NCALD: variants seen among roughly 807,000 people sequenced by gnomAD.
NCALD encodes neurocalcin-delta.
A neutral mutation model predicts 18.6 loss-of-function variants in NCALD; 10 were observed. That is an observed-to-expected ratio of 0.54 (90% CI 0.33 to 0.91). The LOEUF (loss-of-function observed/expected upper bound fraction) is 0.91. Among genes scored for constraint, NCALD ranks in the 40% least tolerant of loss-of-function variants. The pLI is 0.03. For missense variants in NCALD, 184 were observed against 247.6 expected (o/e 0.74, Z 1.72); for synonymous variants, 88 against 87.4 (o/e 1.01, Z -0.04).
At chr8:101,815,545 T>C (rs1813463338) in intron 4 of NCALD, among the ~76,000 whole-genome samples, 2 of 152,086 alleles carry the variant, frequency 1.3e-5, no homozygotes, top group African/African-American at 4.8e-5. Context: ...AGTAATCATA[T>C]GAAAAGATGC....
In NCALD at chr8:101,827,035, C is replaced by T. The variant is rs530924530; in HGVS notation, c.-20+60106G>A. On this transcript the variant is annotated intron_variant, in intron 4 of 6. Transcript: ENST00000311028. ...TGAAAACAACAAAAATTTATTATCT[C>T]ACAGTTCTGGAGGCTAAAAGACAAA... 2.0e-3 allele frequency among the ~76,000 whole-genome samples: 297 copies of T among 152,292 alleles called. 2 individuals carry two copies. Among genetic ancestry groups the T allele is most frequent in the Non-Finnish European group, 3.0e-3 (203 of 68,042 alleles).
chr8:102,089,190 G>C (rs1353477572), intron 1 of NCALD, among the ~76,000 whole-genome samples: 3 of 152,056 alleles, frequency 2.0e-5, no homozygotes, highest in Non-Finnish European at 4.4e-5. Context: ...GTCAGGAGAT[G>C]GAGACCATCC....
At chr8:101,706,892 T>G (rs944218650) in intron 2 of NCALD, among the ~76,000 whole-genome samples, 2 of 54,948 alleles carry the variant, frequency 3.6e-5, no homozygotes, top group Admixed American at 3.3e-4. Context: ...ATAAATCCCC[T>G]GATAAGAAAG....
In NCALD at chr8:101,773,115, G is replaced by A. The variant is rs919143727; in HGVS notation, c.-20+17747C>T. 5.5e-4 allele frequency among the ~76,000 whole-genome samples: 84 copies of A among 152,128 alleles called. 1 individual carries two copies. The highest frequency in any genetic ancestry group is 5.9e-4 in the Admixed American group (9 of 15,274). On this transcript the variant is annotated intron_variant, in intron 1 of 3. Transcript: ENST00000220931. ...GTGATTGAGCCAGGATTTGAACCCC[G>A]GCAGTCTGACTTCAAAGGGCATGCT... is the stretch of plus-strand genomic sequence containing the variant.
At chr8:101,944,166 GT>G (rs1819075391) in intron 2 of NCALD, among the ~76,000 whole-genome samples, 1 of 152,126 alleles carries the variant, frequency 6.6e-6, no homozygotes, top group East Asian at 1.9e-4. Context: ...CAATCAGACT[GT>G]TTCCTCTGAG....
At position 101,808,791 on chromosome 8, in the gene NCALD, G is replaced by A. The variant is rs183062947; in HGVS notation, c.-20+78350C>T. Among the ~76,000 whole-genome samples, 20 of 152,232 alleles carry A rather than the reference G, an allele frequency of 1.3e-4. No homozygotes were observed. In the East Asian group the frequency reaches 3.9e-3, roughly 29 times the overall value. On this transcript the variant is annotated intron_variant, in intron 4 of 6. Coordinates refer to the NCALD transcript ENST00000311028. ...GTACACCCTAAAGATGGATGGCGGG[G>A]CTGTAAGCTGGAAGAAGCTTAGGTT...
At chr8:102,115,518 C>A (rs1038989178) in intron 1 of NCALD, among the ~76,000 whole-genome samples, 20 of 152,298 alleles carry the variant, frequency 1.3e-4, no homozygotes, top group African/African-American at 4.3e-4. Flanking sequence ...TTTTCTGATA[C>A]ACCTCATTTG....
intron 1 of NCALD, among the ~76,000 whole-genome samples, chr8:102,064,026 T>C (rs1344609356): frequency 6.6e-6 from 1 of 152,240 alleles, no homozygotes; most frequent in African/African-American, 2.4e-5. Flanking sequence ...GGATTCATTT[T>C]TGGCTTAAGT....
intron 4 of NCALD, among the ~76,000 whole-genome samples, chr8:101,836,257 G>C (rs1350670454): frequency 6.6e-6 from 1 of 152,130 alleles, no homozygotes; most frequent in Non-Finnish European, 1.5e-5. Context: ...GCTTAACTTG[G>C]AAACTTGCCA....
chr8:101,985,027 T>C (rs1820753202), intron 2 of NCALD, among the ~76,000 whole-genome samples: 1 of 152,204 alleles, frequency 6.6e-6, no homozygotes, highest in South Asian at 2.1e-4. Flanking sequence ...CTATGTAGCT[T>C]AAGGGCCTAC....
At chr8:101,817,287 G>A (rs7000357) in intron 4 of NCALD, among the ~76,000 whole-genome samples, 103,721 of 152,038 alleles carry the variant, frequency 0.68, 36,229 homozygotes, top group Non-Finnish European at 0.75. Context: ...CTCAGGGAGC[G>A]CCTGGGAAGC....
At chr8:101,815,027 A>C (rs1475831071) in intron 4 of NCALD, among the ~76,000 whole-genome samples, 1 of 152,186 alleles carries the variant, frequency 6.6e-6, no homozygotes, top group African/African-American at 2.4e-5. Flanking sequence ...CAATATTGTC[A>C]AGATGTCAGT....
intron 2 of NCALD, among the ~76,000 whole-genome samples, chr8:101,988,493 T>G (rs1820913082): frequency 6.6e-6 from 1 of 152,184 alleles, no homozygotes; most frequent in Non-Finnish European, 1.5e-5. Flanking sequence ...TTTCTTCAAC[T>G]AAAACATGGA....
At chr8:102,060,745 G>A (rs564304285) in intron 1 of NCALD, among the ~76,000 whole-genome samples, 6 of 151,996 alleles carry the variant, frequency 3.9e-5, no homozygotes, top group South Asian at 2.1e-4. Context: ...TCTGTGTCCC[G>A]AGTACTTCAG....
At chr8:102,020,249 C>A (rs1822228319) in exon 2 of NCALD, 1 of 151,740 alleles carries the variant, frequency 6.6e-6, no homozygotes, top group African/African-American at 2.4e-5. Flanking sequence ...AGTGGTAGAT[C>A]TCTCACAGCA....
chr8:101,896,287 G>T, intron 3 of NCALD, among the ~76,000 whole-genome samples: 1 of 152,014 alleles, frequency 6.6e-6, no homozygotes, highest in Non-Finnish European at 1.5e-5. Flanking sequence ...TTTAATAAGT[G>T]GTGCTGGGAA....
intron 3 of NCALD, among the ~76,000 whole-genome samples, chr8:101,911,945 C>T (rs1563889557): frequency 1.3e-5 from 2 of 152,024 alleles, no homozygotes; most frequent in Non-Finnish European, 2.9e-5. Flanking sequence ...TTTGCAAATA[C>T]ACTTCAGATA....
At position 101,689,185 on chromosome 8, in the gene NCALD, A is replaced by G; in HGVS notation, c.*124T>C. The G allele has an allele frequency of 1.1e-6, 1 of 883,932 alleles. No homozygotes were observed. The highest frequency in any genetic ancestry group is 1.8e-6 in the Non-Finnish European group (1 of 544,642). The allele number at this position is 883,932 out of a possible 1,614,324, so 54.8% of individuals were successfully genotyped here. ...CTGAAGGCGTCACGGAGGAAGGCGC[A>G]TCAGACCGCACAGGGGACGGCATCA... On this transcript the variant is annotated 3_prime_UTR_variant, in exon 4 of 4. Transcript: ENST00000220931. This position sits in a 1 kb window ranked among gnomAD's most constrained non-coding sequence, Gnocchi z 4.4.
intron 1 of NCALD, among the ~76,000 whole-genome samples, chr8:101,771,202 T>C (rs1170677980): frequency 1.3e-5 from 2 of 152,210 alleles, no homozygotes; most frequent in African/African-American, 4.8e-5. Context: ...GAGCCTTGGC[T>C]AGGACTGTGT....
Sources: allele counts gnomAD v4.1 joint callset (sites outside exome capture counted in the v4.1 genomes callset), GRCh38; gene constraint gnomAD v4.1.1; non-coding constraint Gnocchi (gnomAD v3.1); transcripts MANE v1.5; gene names NCBI Gene and HGNC (gene_info 2026-07-23, HGNC 2026-07-21).